The following PTPRZ1 variants were observed in gnomAD, a reference collection of about 807,000 sequenced individuals.
PTPRZ1 encodes the protein protein tyrosine phosphatase receptor type Z1.
Under a neutral mutation model 214.1 loss-of-function variants are expected in PTPRZ1, and 82 were observed. The ratio of observed to expected loss-of-function variants is 0.38; its 90% CI spans 0.32 to 0.46. The LOEUF (loss-of-function observed/expected upper bound fraction) is 0.46. Ranked by LOEUF, PTPRZ1 falls within the 20% of genes least tolerant of loss-of-function variation. PTPRZ1 has a pLI of 1.00. For missense variants in PTPRZ1, 2,603 were observed against 2,748.7 expected, an observed-to-expected ratio of 0.95 and a Z score of 1.19; for synonymous variants, 945 against 987.9, an observed-to-expected ratio of 0.96 and a Z score of 0.81.
At chr7:121,942,972 A>G (rs1796272117) in intron 2 of PTPRZ1, among the ~76,000 whole-genome samples, 2 of 152,218 alleles carry the variant, frequency 1.3e-5, no homozygotes, top group Admixed American at 6.5e-5. Context: ...AGATTACAAA[A>G]TGTGTTGACA....
intron 11 of PTPRZ1, among the ~76,000 whole-genome samples, chr7:122,006,143 T>G (rs1798479023): frequency 6.6e-6 from 1 of 152,136 alleles, no homozygotes; most frequent in Non-Finnish European, 1.5e-5. Context: ...TTTCCATTTT[T>G]TAATGGACAT....
Position 121,873,315 on chromosome 7 carries a change from G to GTCTCTC in PTPRZ1, c.-176_-171dup, listed in dbSNP as rs758258326. 2.9e-5 allele frequency: 15 copies of GTCTCTC among 510,394 alleles called. No homozygotes were observed. In the African/African-American group the frequency reaches 4.0e-4, roughly 14 times the overall value. 31.6% of individuals were successfully genotyped at this position (510,394 alleles called of 1,614,324 possible). A position where few individuals can be genotyped will look rare whatever the true frequency, so the allele number is the denominator to read the frequency against. On this transcript the variant is annotated 5_prime_UTR_variant, in exon 1 of 30. Coordinates refer to ENST00000393386, the MANE Select transcript of PTPRZ1 (RefSeq NM_002851.3). ...ACTGTCTCTCTCTGTCTCTGTCTCT[G>GTCTCTC]TCTCTCTCTCTCTCACACACACACA...
intron 2 of PTPRZ1, among the ~76,000 whole-genome samples, chr7:121,957,579 G>T (rs1796747222): frequency 6.6e-6 from 1 of 152,182 alleles, no homozygotes; most frequent in Non-Finnish European, 1.5e-5. Flanking sequence ...TGCAGTGAAT[G>T]ATACTGATTC....
chr7:121,941,185 C>T (rs1426027024), intron 2 of PTPRZ1, among the ~76,000 whole-genome samples: 2 of 152,274 alleles, frequency 1.3e-5, no homozygotes, highest in East Asian at 1.9e-4. Flanking sequence ...GACAAAGCTA[C>T]GTGGATTGAG....
At chr7:121,994,419 C>T (rs536773340) in intron 8 of PTPRZ1, among the ~76,000 whole-genome samples, 1 of 150,652 alleles carries the variant, frequency 6.6e-6, no homozygotes, top group Non-Finnish European at 1.5e-5. Flanking sequence ...CTCAGCCTCC[C>T]GAGTAGCTGG....
At chr7:122,052,647 G>A (rs926648034) in intron 25 of PTPRZ1, among the ~76,000 whole-genome samples, 7 of 152,170 alleles carry the variant, frequency 4.6e-5, no homozygotes, top group Admixed American at 4.6e-4. Flanking sequence ...ATAGGAATGG[G>A]ATCTGAAAGC....
intron 2 of PTPRZ1, among the ~76,000 whole-genome samples, chr7:121,963,124 T>C (rs1796931318): frequency 6.6e-6 from 1 of 152,200 alleles, no homozygotes; most frequent in Non-Finnish European, 1.5e-5. Flanking sequence ...CTAAGTACTA[T>C]TGTTGACAGC....
chr7:121,887,387 A>G (rs117948250), intron 1 of PTPRZ1, among the ~76,000 whole-genome samples: 56 of 152,232 alleles, frequency 3.7e-4, no homozygotes, highest in African/African-American at 1.3e-3. Flanking sequence ...AGAGTAAGCA[A>G]CTCGAGATCA....
At position 122,011,490 on chromosome 7, in the gene PTPRZ1, A is replaced by G; in HGVS notation, c.2444A>G (p.Asp815Gly). The G allele has an allele frequency of 6.2e-7, 1 of 1,613,924 alleles. No individual in the cohort carries two copies. Among genetic ancestry groups the G allele is most frequent in the South Asian group, 1.1e-5 (1 of 91,062 alleles). ...VSFESILSSY[D>G]GAPLLPFSSA... ...TTTGAATCCATCCTGTCTTCCTATG[A>G]TGGTGCACCTTTGCTTCCATTTTCC... Residue 815 changes from aspartate to glycine, a missense_variant, in exon 12 of 30, where the codon GAT becomes GGT. By Grantham distance (94) the Asp-to-Gly change is moderately conservative. Around this residue, in one of 6 missense-constraint regions of PTPRZ1, gnomAD observed 1,913 missense variants for 1,914.3 expected, o/e 1.00. Transcript: ENST00000393386.
intron 1 of PTPRZ1, among the ~76,000 whole-genome samples, chr7:121,893,681 G>T (rs1345224789): frequency 6.6e-6 from 1 of 152,152 alleles, no homozygotes; most frequent in Non-Finnish European, 1.5e-5. Flanking sequence ...GGAGCAATTG[G>T]CAATCACTGT....
chr7:121,946,925 C>T (rs990588307), intron 2 of PTPRZ1, among the ~76,000 whole-genome samples: 8 of 152,088 alleles, frequency 5.3e-5, no homozygotes, highest in Admixed American at 1.3e-4. Flanking sequence ...ATTGAGATTA[C>T]GAAAGTCGAG....
chr7:121,948,651 G>A (rs972416854), intron 2 of PTPRZ1, among the ~76,000 whole-genome samples: 2 of 152,068 alleles, frequency 1.3e-5, no homozygotes, highest in Non-Finnish European at 2.9e-5. Context: ...AAGAAAAGTG[G>A]CTGCTTATGG....
chr7:121,940,873 T>C (rs1164846603), intron 2 of PTPRZ1, among the ~76,000 whole-genome samples: 1 of 152,148 alleles, frequency 6.6e-6, no homozygotes, highest in East Asian at 1.9e-4. Context: ...CCTATCCTGT[T>C]TCATTCCTCA....
chr7:121,981,130 G>C (rs960466326), intron 6 of PTPRZ1, among the ~76,000 whole-genome samples: 7 of 141,626 alleles, frequency 4.9e-5, no homozygotes, highest in African/African-American at 1.8e-4. Flanking sequence ...GCGGCAGCGA[G>C]ACTCCGTCTC....
chr7:121,953,839 A>G (rs1330421541), intron 2 of PTPRZ1, among the ~76,000 whole-genome samples: 2 of 152,114 alleles, frequency 1.3e-5, no homozygotes, highest in Admixed American at 1.3e-4. Context: ...GCCACCCACC[A>G]TCTGAACCTA....
At chr7:121,981,247 G>A (rs558346441) in intron 6 of PTPRZ1, among the ~76,000 whole-genome samples, 1 of 152,268 alleles carries the variant, frequency 6.6e-6, no homozygotes, top group South Asian at 2.1e-4. Flanking sequence ...CATCACCTGG[G>A]GATGCTTTTT....
intron 2 of PTPRZ1, among the ~76,000 whole-genome samples, chr7:121,943,398 C>T (rs1244666669): frequency 1.3e-5 from 2 of 152,010 alleles, no homozygotes; most frequent in African/African-American, 2.4e-5. Context: ...TGCAGTGGCG[C>T]GATCTCGGCT....
At chr7:121,915,268 G>A (rs1795391639) in intron 1 of PTPRZ1, among the ~76,000 whole-genome samples, 1 of 152,158 alleles carries the variant, frequency 6.6e-6, no homozygotes, top group Non-Finnish European at 1.5e-5. Flanking sequence ...GGTAGGAAGT[G>A]AGTGCATAGC....
At chr7:122,014,720 G>T (rs1798795278) in intron 12 of PTPRZ1, among the ~76,000 whole-genome samples, 2 of 152,218 alleles carry the variant, frequency 1.3e-5, no homozygotes, top group Admixed American at 1.3e-4. Context: ...TTACAGGCGT[G>T]AGCCACTGCA....
Sources: gnomAD v4.1 joint callset for allele counts (sites outside exome capture counted in the v4.1 genomes callset) on GRCh38, gnomAD v4.1.1 for gene constraint, gnomAD v4.1.1 regional missense constraint, MANE v1.5 for transcripts, NCBI Gene and HGNC (gene_info 2026-07-23, HGNC 2026-07-21) for gene names.